Variants in TSGA10 observed in about 807,000 individuals in gnomAD.
TSGA10 encodes the protein testis-specific gene 10 protein.
In TSGA10, 43 loss-of-function variants were observed where a neutral mutation model predicts 96.6. That is an observed-to-expected ratio of 0.44 (90% CI 0.35 to 0.57). The LOEUF (loss-of-function observed/expected upper bound fraction) is 0.57. Ranked by LOEUF, TSGA10 falls within the 20% of genes least tolerant of loss-of-function variation. TSGA10 has a pLI of 0.01. For synonymous variants in TSGA10, 229 were observed against 269.9 expected (o/e 0.85, Z 1.48); for missense variants, 703 against 834.4 (o/e 0.84, Z 1.94).
chr2:98,998,358 CAAT>C (rs2077613344), intron 20 of TSGA10, 137 bp from the exon 21 acceptor site: 1 of 684,994 alleles, frequency 1.5e-6, no homozygotes, highest in Non-Finnish European at 2.4e-6. Flanking sequence ...AAACAAAAAA[CAAT>C]ATATTTTTTC....
chr2:99,044,940 T>G (rs372389217), intron 16 of TSGA10, among the ~76,000 whole-genome samples: 11 of 151,954 alleles, frequency 7.2e-5, no homozygotes, highest in Admixed American at 5.3e-4. Flanking sequence ...ACTGGGTACA[T>G]AACAAAATGA....
intron 16 of TSGA10, among the ~76,000 whole-genome samples, chr2:99,044,741 C>T (rs1015722105): frequency 5.3e-5 from 8 of 152,144 alleles, no homozygotes; most frequent in African/African-American, 1.7e-4. Context: ...TTCTCAGCAC[C>T]TCATCACACT....
intron 16 of TSGA10, among the ~76,000 whole-genome samples, chr2:99,056,153 C>T (rs778616095): frequency 6.6e-6 from 1 of 151,392 alleles, no homozygotes; most frequent in Non-Finnish European, 1.5e-5. Flanking sequence ...TGCAGTGAGC[C>T]GAGATCACGC....
chr2:99,035,352 G>C lies in TSGA10; in HGVS notation c.1492C>G (p.Gln498Glu). The C allele has an allele frequency of 6.2e-7, 1 of 1,613,286 alleles. No individual in the cohort carries two copies. The highest frequency in any genetic ancestry group is 1.3e-5 in the African/African-American group (1 of 74,986). Residue 498 changes from glutamine to glutamate, a missense_variant, in exon 17 of 21, where the codon CAG (glutamine) becomes GAG (glutamate). This residue lies in a region of TSGA10 where 585 missense variants were observed against 656.8 expected (regional missense o/e 0.89). Transcript: ENST00000393483. ...GCAAGAGCGGACACTTTTTCAAACT[G>C]AACCTTCTGAAGCTCCTCTTCCATT... is the stretch of plus-strand genomic sequence containing the variant. ...VKMEEELQKV[Q>E]FEKVSALADL...
chr2:99,113,809 A>C (rs1399576760), intron 4 of TSGA10, among the ~76,000 whole-genome samples: 1 of 152,132 alleles, frequency 6.6e-6, no homozygotes, highest in African/African-American at 2.4e-5. Flanking sequence ...GGCCTCCCAA[A>C]GTGTTGGAAT....
intron 1 of TSGA10, among the ~76,000 whole-genome samples, chr2:99,139,083 G>A (rs976424851): frequency 2.0e-5 from 3 of 152,142 alleles, no homozygotes; most frequent in African/African-American, 7.2e-5. Context: ...AACATAGTGA[G>A]TTCCTGTATC....
intron 10 of TSGA10, among the ~76,000 whole-genome samples, chr2:99,089,358 C>T (rs1574228027): frequency 6.6e-6 from 1 of 152,226 alleles, no homozygotes; most frequent in Non-Finnish European, 1.5e-5. Flanking sequence ...AAACTTCCAA[C>T]TGAATTTTGT....
At position 99,150,714 on chromosome 2, in the gene TSGA10, A is replaced by C. The variant is rs190179360; in HGVS notation, c.-621+3979T>G. 61 of 1,614,120 alleles carry C rather than the reference A, an allele frequency of 3.8e-5. No homozygotes were observed. The African/African-American group carries it at 7.6e-4, about 20-fold the overall frequency. ...CCAAGAAAATAAGATTAGAAGACAC[A>C]AATCAAGAAAACTTTACAAGGATTG... On this transcript the variant is annotated intron_variant, in intron 1 of 20. Transcript: ENST00000393483.
intron 16 of TSGA10, among the ~76,000 whole-genome samples, chr2:99,058,303 C>T (rs1431641412): frequency 6.6e-6 from 1 of 151,890 alleles, no homozygotes; most frequent in Non-Finnish European, 1.5e-5. Flanking sequence ...AAAGCTGTTA[C>T]AAAAAATAGC....
intron 1 of TSGA10, among the ~76,000 whole-genome samples, chr2:99,143,895 T>C (rs1169894074): frequency 6.6e-6 from 1 of 152,206 alleles, no homozygotes; most frequent in Non-Finnish European, 1.5e-5. Context: ...ACCTCTGTTA[T>C]TACTATTTTT....
chr2:98,998,575 TGAA>T (rs1448231891), intron 20 of TSGA10, among the ~76,000 whole-genome samples: 1 of 152,188 alleles, frequency 6.6e-6, no homozygotes, highest in African/African-American at 2.4e-5. Flanking sequence ...GACAGGGAGA[TGAA>T]GAAGGTCAGG....
intron 16 of TSGA10, among the ~76,000 whole-genome samples, chr2:99,037,013 A>G (rs1488006749): frequency 7.2e-5 from 11 of 152,200 alleles, no homozygotes; most frequent in Admixed American, 5.9e-4. Flanking sequence ...AGAGATACCC[A>G]TATCTACTAT....
chr2:99,107,357 G>GATTATGTTAAAT (rs2091442886), intron 7 of TSGA10, among the ~76,000 whole-genome samples: 1 of 151,992 alleles, frequency 6.6e-6, no homozygotes, highest in East Asian at 1.9e-4. Context: ...TGTTAAATAA[G>GATTATGTTAAAT]AAGACAGTAT....
At chr2:99,084,896 T>C (rs898004573) in intron 10 of TSGA10, among the ~76,000 whole-genome samples, 1 of 151,654 alleles carries the variant, frequency 6.6e-6, no homozygotes, top group Non-Finnish European at 1.5e-5. Flanking sequence ...AGATGGCCAG[T>C]CATTTAAAAA....
At chr2:99,132,073 C>T (rs1010791715) in intron 1 of TSGA10, among the ~76,000 whole-genome samples, 1 of 151,982 alleles carries the variant, frequency 6.6e-6, no homozygotes, top group Non-Finnish European at 1.5e-5. Flanking sequence ...AAATATTGGC[C>T]TGAAATTTTT....
chr2:99,099,180 C>T (rs558169068), intron 10 of TSGA10, among the ~76,000 whole-genome samples: 3 of 152,100 alleles, frequency 2.0e-5, no homozygotes, highest in Admixed American at 1.3e-4. Flanking sequence ...GGGGTAGTGG[C>T]GCGTGCCTGT....
At chr2:99,151,600 AT>A in intron 1 of TSGA10, 1 of 151,376 alleles carries the variant, frequency 6.6e-6, no homozygotes, top group South Asian at 2.1e-4. Context: ...TACATTTTGC[AT>A]TTTTGTTCTG....
chr2:99,128,450 G>A (rs1397895562), intron 1 of TSGA10, among the ~76,000 whole-genome samples: 1 of 152,154 alleles, frequency 6.6e-6, no homozygotes, highest in Admixed American at 6.5e-5. Context: ...AGAATGAAAC[G>A]ACTCCTCACT....
intron 18 of TSGA10, among the ~76,000 whole-genome samples, chr2:99,019,017 C>A (rs1316482305): frequency 6.6e-6 from 1 of 152,150 alleles, no homozygotes; most frequent in Non-Finnish European, 1.5e-5. Flanking sequence ...AATTCACTAG[C>A]TCCATGATTA....
Sources: allele counts gnomAD v4.1 joint callset (sites outside exome capture counted in the v4.1 genomes callset), GRCh38; gene constraint gnomAD v4.1.1; regional missense constraint gnomAD v4.1.1; transcripts MANE v1.5; gene names NCBI Gene and HGNC (gene_info 2026-07-23, HGNC 2026-07-21).